TOR1AIP2: variants seen among roughly 807,000 people sequenced by gnomAD.
TOR1AIP2 encodes the protein torsin-1A-interacting protein 2.
A neutral mutation model predicts 32.6 loss-of-function variants in TOR1AIP2; 20 were observed. The ratio of observed to expected loss-of-function variants is 0.61; its 90% confidence interval spans 0.43 to 0.89. The LOEUF is 0.89. Among genes scored for constraint, TOR1AIP2 ranks in the 40% least tolerant of loss-of-function variants. The pLI is 0.00. For synonymous variants in TOR1AIP2, 214 were observed against 210.8 expected, an observed-to-expected ratio of 1.02 and a Z score of -0.13; for missense variants, 456 against 553.8, an observed-to-expected ratio of 0.82 and a Z score of 1.77.
chr1:179,873,230 T>C (rs1389706507), intron 2 of TOR1AIP2, among the ~76,000 whole-genome samples: 1 of 152,176 alleles, frequency 6.6e-6, no homozygotes, highest in East Asian at 1.9e-4. Context: ...TCTTGCTATG[T>C]TGCCTAGGCT....
chr1:179,857,114 G>A (rs1026915418), intron 3 of TOR1AIP2, among the ~76,000 whole-genome samples: 1 of 152,202 alleles, frequency 6.6e-6, no homozygotes, highest in Non-Finnish European at 1.5e-5. Context: ...CTTCTACAAG[G>A]AACTGATGAG....
intron 3 of TOR1AIP2, chr1:179,861,649 T>C: frequency 1.0e-6 from 1 of 985,468 alleles, no homozygotes; most frequent in South Asian, 4.7e-5. Flanking sequence ...ACCTAAATTA[T>C]TAACAGTGAT....
chr1:179,869,955 A>C (rs1266860480), intron 2 of TOR1AIP2, among the ~76,000 whole-genome samples: 1 of 152,218 alleles, frequency 6.6e-6, no homozygotes, highest in Non-Finnish European at 1.5e-5. Flanking sequence ...GTATTAACTC[A>C]TTTAATCTGC....
chr1:179,865,003 A>G, intron 3 of TOR1AIP2: 1 of 1,614,070 alleles, frequency 6.2e-7, no homozygotes, highest in South Asian at 1.1e-5. Flanking sequence ...GGCTTCTATT[A>G]GCAGGATTAT....
At chr1:179,875,286 A>T (rs1226988754) in intron 2 of TOR1AIP2, 1 of 152,182 alleles carries the variant, frequency 6.6e-6, no homozygotes, top group Non-Finnish European at 1.5e-5. Flanking sequence ...TATAGGCGTG[A>T]GCCACTGCAC....
chr1:179,851,543 TATC>T (rs943833028), intron 4 of TOR1AIP2, among the ~76,000 whole-genome samples, 180 bp from the exon 5 acceptor site: 8 of 152,326 alleles, frequency 5.3e-5, no homozygotes, highest in African/African-American at 1.9e-4. Context: ...AAAAAAATCT[TATC>T]ATGTTAATAA....
At position 179,842,456 on chromosome 1, in the gene TOR1AIP2, C is replaced by G. The variant is rs1361444482; in HGVS notation, c.*3615G>C. On this transcript the variant is annotated 3_prime_UTR_variant, in exon 7 of 7. Coordinates refer to ENST00000609928, the MANE Select transcript of TOR1AIP2 (RefSeq NM_001199260.2). ...AGTGATATGAACTTGTCCGCCAACT[C>G]CTGGAAACTAACCAGAAAACCTAAA... The G allele has an allele frequency of 6.6e-6, 1 of 152,152 alleles. No individual in the cohort carries two copies. The highest frequency in any genetic ancestry group is 1.5e-5 in the Non-Finnish European group (1 of 68,020). 9.4% of individuals were successfully genotyped at this position (152,152 alleles called of 1,614,324 possible). A position where few individuals can be genotyped will look rare whatever the true frequency, so the allele number is the denominator to read the frequency against.
chr1:179,845,875 T>C lies in TOR1AIP2; in HGVS notation c.*196A>G. ...AAAGAAAAAAAGTCAGGTTAATTTT[T>C]AGCTTTGTCAAGGCTTAGATTAGAA... On this transcript the variant is annotated 3_prime_UTR_variant, in exon 7 of 7. Transcript: ENST00000609928. The C allele has an allele frequency of 1.8e-6, 1 of 549,276 alleles. No individual in the cohort carries two copies. Among genetic ancestry groups the C allele is most frequent in the Non-Finnish European group, 3.0e-6 (1 of 331,112 alleles). The allele number at this position is 549,276 out of a possible 1,614,324, so 34.0% of individuals were successfully genotyped here.
intron 6 of TOR1AIP2, 100 bp from the exon 7 acceptor site, chr1:179,846,928 T>C (rs1460850907): frequency 3.1e-6 from 4 of 1,298,564 alleles, no homozygotes; most frequent in Non-Finnish European, 4.1e-6. Flanking sequence ...CAGCAGGTTT[T>C]ACTAGGAGCA....
At chr1:179,852,262 A>AT (rs1696144554) in intron 4 of TOR1AIP2, among the ~76,000 whole-genome samples, 1 of 151,012 alleles carries the variant, frequency 6.6e-6, no homozygotes, top group Admixed American at 6.6e-5. Context: ...CCTGGGTAAC[A>AT]TAAAAAAAAA....
chr1:179,863,223 CAAAAAAAA>C, intron 3 of TOR1AIP2: 7 of 759,596 alleles, frequency 9.2e-6, no homozygotes, highest in Non-Finnish European at 1.0e-5. Context: ...GACTCTGTCT[CAAAAAAAA>C]AAAAAAAAAA....
At position 179,846,678 on chromosome 1, in the gene TOR1AIP2, T is replaced by C. The variant is rs774045465; in HGVS notation, c.806A>G (p.Gln269Arg). 3 of 1,614,168 alleles carry C rather than the reference T, an allele frequency of 1.9e-6. No homozygotes were observed. Among genetic ancestry groups the C allele is most frequent in the Non-Finnish European group, 1.7e-6 (2 of 1,180,030 alleles). ...FSQLEDKFPGQSSFLWQRGRK... is the reference protein window; with the variant it reads ...FSQLEDKFPGRSSFLWQRGRK... ...TCCTCTCTGCCACAGGAAGGAACTC[T>C]GGCCTGGAAATTTATCTTCCAATTG... The change falls in exon 7 of 7, where the codon CAG (glutamine) becomes CGG (arginine). Residue 269 changes from glutamine (Q) to arginine (R), a missense_variant. Physicochemically the swap from Gln to Arg is conservative, Grantham distance 43 (BLOSUM62 1). Coordinates refer to ENST00000609928, the MANE Select transcript of TOR1AIP2 (RefSeq NM_001199260.2).
chr1:179,875,340 A>G (rs1291755018), intron 2 of TOR1AIP2: 1 of 152,228 alleles, frequency 6.6e-6, no homozygotes, highest in African/African-American at 2.4e-5. Flanking sequence ...TAATTACAAA[A>G]TGGAATAATA....
chr1:179,860,882 T>C (rs1696502435), intron 3 of TOR1AIP2: 1 of 985,468 alleles, frequency 1.0e-6, no homozygotes, highest in Non-Finnish European at 1.2e-6. Flanking sequence ...CAGACAGCTA[T>C]GACATGTGGA....
rs754727056 is a variant in TOR1AIP2 at position 179,846,806 on chromosome 1, C to T, written c.678G>A (p.Leu226=). 1 of 1,603,690 alleles carries T rather than the reference C, an allele frequency of 6.2e-7. No homozygotes were observed. The highest frequency in any genetic ancestry group is 1.1e-5 in the South Asian group (1 of 90,624). The change falls in exon 7 of 7, where the codon CTG becomes CTA. Residue 226 remains leucine, a synonymous_variant. Transcript: ENST00000609928. ...CAGAACTTGCCACAACAGCCACAAC[C>T]AGGACGACAAGAATCACAGGGCCTG... is the stretch of plus-strand genomic sequence containing the variant. ...WSYGPVILVV[L]VVAVVASSVN...
In TOR1AIP2 at chr1:179,852,638, G is replaced by C. The variant is rs2148430565; in HGVS notation, c.28C>G (p.Gln10Glu). 1 of 1,614,018 alleles carries C rather than the reference G, an allele frequency of 6.2e-7. No individual in the cohort carries two copies. The highest frequency in any genetic ancestry group is 8.5e-7 in the Non-Finnish European group (1 of 1,179,964). Residue 10 changes from glutamine (Q) to glutamate (E), a missense_variant, in exon 4 of 7, where the codon CAA becomes GAA. Gln to Glu is a conservative substitution (Grantham distance 29, BLOSUM62 2). Transcript: ENST00000609928. ...CCAGACAAATCAGTCTTACCCTCTT[G>C]AGGTTCCCTAAGTCCACTGTCGGCC... MADSGLREP[Q>E]EDSQKDLEND...
At chr1:179,854,139 A>G (rs368073962) in intron 3 of TOR1AIP2, among the ~76,000 whole-genome samples, 2 of 152,212 alleles carry the variant, frequency 1.3e-5, no homozygotes, top group East Asian at 1.9e-4. Context: ...GCTACTCACA[A>G]TAACCTTAAG....
Position 179,854,326 on chromosome 1 carries a change from T to G in TOR1AIP2, c.-146-1515A>C, listed in dbSNP as rs1304572763. On this transcript the variant is annotated intron_variant, in intron 3 of 6. Coordinates refer to ENST00000609928, the MANE Select transcript of TOR1AIP2 (RefSeq NM_001199260.2). ...TTTATTGAAGTCTATAAAAAAGAGATAAGTAAACAGAAAAAAAAATATCAT... is the reference window on the plus strand; with the variant it reads ...TTTATTGAAGTCTATAAAAAAGAGAGAAGTAAACAGAAAAAAAAATATCAT... Among the ~76,000 whole-genome samples, 3 of 151,786 alleles carry G rather than the reference T, an allele frequency of 2.0e-5. No individual in the cohort carries two copies. The East Asian group carries it at 5.8e-4, about 29-fold the overall frequency.
Position 179,845,997 on chromosome 1 carries a change from C to A in TOR1AIP2, c.*74G>T. ...CTCAAGCTATTTTATCAACCTCCTT[C>A]CATATAAATGGAAGGTCTTTAAACA... On this transcript the variant is annotated 3_prime_UTR_variant, in exon 7 of 7. Coordinates refer to ENST00000609928, the MANE Select transcript of TOR1AIP2 (RefSeq NM_001199260.2). 7.4e-7 allele frequency: 1 copy of A among 1,352,338 alleles called. No individual in the cohort carries two copies. The highest frequency in any genetic ancestry group is 1.5e-5 in the South Asian group (1 of 68,444). The allele number at this position is 1,352,338 out of a possible 1,614,324, so 83.8% of individuals were successfully genotyped here.
Sources: gnomAD v4.1 joint callset for allele counts (sites outside exome capture counted in the v4.1 genomes callset) on GRCh38, gnomAD v4.1.1 for gene constraint, MANE v1.5 for transcripts, NCBI Gene and HGNC (gene_info 2026-07-23, HGNC 2026-07-21) for gene names.